Variants in PTPRD observed in about 807,000 individuals in gnomAD.
PTPRD encodes the protein protein tyrosine phosphatase receptor type D.
In PTPRD, 34 loss-of-function variants were observed where a neutral mutation model predicts 214.5. That is an observed-to-expected ratio of 0.16 (90% CI 0.12 to 0.21). The LOEUF (loss-of-function observed/expected upper bound fraction) is 0.21. Ranked by LOEUF, PTPRD falls within the 10% of genes least tolerant of loss-of-function variation. The pLI is 1.00. For missense variants in PTPRD, 2,545 were observed against 2,398.7 expected, an observed-to-expected ratio of 1.06 and a Z score of -1.27; for synonymous variants, 1,128 against 845.7, an observed-to-expected ratio of 1.33 and a Z score of -5.79.
chr9:9,695,923 T>C (rs1446084127), intron 7 of PTPRD, among the ~76,000 whole-genome samples: 1 of 152,166 alleles, frequency 6.6e-6, no homozygotes, highest in Non-Finnish European at 1.5e-5. Context: ...AAAATAATTT[T>C]GGAAGTATTT....
At chr9:8,712,102 A>T (rs1423031457) in intron 12 of PTPRD, among the ~76,000 whole-genome samples, 1 of 152,230 alleles carries the variant, frequency 6.6e-6, no homozygotes, top group Non-Finnish European at 1.5e-5. Flanking sequence ...AAATTTTTTT[A>T]AATCGACCAA....
At chr9:10,403,841 G>C (rs948873388) in intron 2 of PTPRD, among the ~76,000 whole-genome samples, 1 of 151,626 alleles carries the variant, frequency 6.6e-6, no homozygotes, top group Non-Finnish European at 1.5e-5. Context: ...CAGTGATTAG[G>C]ACAAAGGGAA....
chr9:10,029,652 G>T (rs1386958545), intron 4 of PTPRD, among the ~76,000 whole-genome samples: 4 of 152,204 alleles, frequency 2.6e-5, no homozygotes, highest in African/African-American at 9.6e-5. Flanking sequence ...CCCAGTGCCT[G>T]TATCCCTATT....
chr9:9,658,740 C>T (rs997107941), intron 7 of PTPRD, among the ~76,000 whole-genome samples: 3 of 152,142 alleles, frequency 2.0e-5, no homozygotes, highest in African/African-American at 4.8e-5. Flanking sequence ...ACTCTTAATA[C>T]GGCCGGCACT....
chr9:9,465,363 C>T (rs1284711132), intron 8 of PTPRD, among the ~76,000 whole-genome samples: 1 of 152,052 alleles, frequency 6.6e-6, no homozygotes, highest in Non-Finnish European at 1.5e-5. Context: ...TGCTTGAATC[C>T]CTCCTAGGCA....
intron 10 of PTPRD, among the ~76,000 whole-genome samples, chr9:9,157,278 T>A (rs1343410962): frequency 6.6e-6 from 1 of 151,054 alleles, no homozygotes; most frequent in East Asian, 1.9e-4. Context: ...AATAACAAAG[T>A]TCAGAGCAGA....
rs2136955704 is a variant in PTPRD, at chr9:8,500,814, G to A, written c.2068C>T (p.His690Tyr). The A allele has an allele frequency of 6.2e-7, 1 of 1,614,134 alleles. No individual in the cohort carries two copies. The highest frequency in any genetic ancestry group is 8.5e-7 in the Non-Finnish European group (1 of 1,180,002). Residue 690 changes from histidine to tyrosine, a missense_variant, in exon 24 of 46, where the codon CAT becomes TAT. Coordinates refer to ENST00000381196, the MANE Select transcript of PTPRD (RefSeq NM_002839.4). ...WTEYRITVTA[H>Y]TDVGPGPESL... is the part of the protein sequence containing the mutation. ...TCAGGGCCAGGGCCGACATCTGTATGGGCTGTCACAGTGATCCGGTATTCA... is the reference window on the plus strand; with the variant it reads ...TCAGGGCCAGGGCCGACATCTGTATAGGCTGTCACAGTGATCCGGTATTCA...
intron 11 of PTPRD, among the ~76,000 whole-genome samples, chr9:8,917,530 A>T (rs767023432): frequency 2.6e-5 from 4 of 151,522 alleles, no homozygotes; most frequent in Non-Finnish European, 4.4e-5. Context: ...GAAACAGGAA[A>T]CTCAGAGCAC....
At chr9:8,835,358 C>T (rs996275344) in intron 11 of PTPRD, among the ~76,000 whole-genome samples, 2 of 152,160 alleles carry the variant, frequency 1.3e-5, no homozygotes, top group Admixed American at 6.5e-5. Flanking sequence ...AGTTGAATAA[C>T]GCACCCAAGC....
At chr9:9,287,714 C>T (rs1949953435) in intron 9 of PTPRD, among the ~76,000 whole-genome samples, 1 of 151,810 alleles carries the variant, frequency 6.6e-6, no homozygotes, top group Non-Finnish European at 1.5e-5. Context: ...ACTTTTGAAA[C>T]ATATCAGTTG....
At chr9:10,036,947 G>A (rs534817037) in intron 3 of PTPRD, among the ~76,000 whole-genome samples, 2 of 151,906 alleles carry the variant, frequency 1.3e-5, no homozygotes, top group South Asian at 2.1e-4. Flanking sequence ...GCAGTGGCAT[G>A]ATCATGGTTT....
rs904812932 is a variant in PTPRD at position 8,781,008 on chromosome 9, A to C, written c.-103-47062T>G. 1.3e-5 allele frequency among the ~76,000 whole-genome samples: 2 copies of C among 152,220 alleles called. 1 individual carries two copies. Among genetic ancestry groups the C allele is most frequent in the Non-Finnish European group, 2.9e-5 (2 of 68,046 alleles). ...CCAGGGGAGCTATTACACTCTGAAG[A>C]AATCTTCTCTTTAGGTTTAACTGTA... On this transcript the variant is annotated intron_variant, in intron 11 of 45. Coordinates refer to ENST00000381196, the MANE Select transcript of PTPRD (RefSeq NM_002839.4).
At chr9:8,656,575 T>C (rs2096913883) in intron 12 of PTPRD, among the ~76,000 whole-genome samples, 2 of 152,208 alleles carry the variant, frequency 1.3e-5, no homozygotes, top group Non-Finnish European at 2.9e-5. Context: ...CAATTTGTAA[T>C]AGTGAGGTAT....
intron 7 of PTPRD, among the ~76,000 whole-genome samples, chr9:9,645,236 G>C (rs973260859): frequency 6.6e-6 from 1 of 152,112 alleles, no homozygotes; most frequent in Non-Finnish European, 1.5e-5. Flanking sequence ...GTGGGCCCTT[G>C]GGTGAGTTAC....
At chr9:8,911,019 G>A (rs764411844) in intron 11 of PTPRD, among the ~76,000 whole-genome samples, 26 of 152,252 alleles carry the variant, frequency 1.7e-4, no homozygotes, top group African/African-American at 2.6e-4. Flanking sequence ...GGTCATTCTC[G>A]TTCAAACTTA....
At chr9:8,704,621 T>C (rs923373730) in intron 12 of PTPRD, among the ~76,000 whole-genome samples, 1 of 151,958 alleles carries the variant, frequency 6.6e-6, no homozygotes, top group African/African-American at 2.4e-5. Flanking sequence ...AAACAGAATA[T>C]GGAAGCTTAA....
At chr9:10,089,917 A>C (rs186943933) in intron 3 of PTPRD, among the ~76,000 whole-genome samples, 4 of 151,796 alleles carry the variant, frequency 2.6e-5, no homozygotes, top group African/African-American at 9.6e-5. Flanking sequence ...AATTAAAAAT[A>C]TCCTGGGAAA....
chr9:9,276,412 G>C (rs1945656805), intron 9 of PTPRD, among the ~76,000 whole-genome samples: 1 of 151,356 alleles, frequency 6.6e-6, no homozygotes, highest in Non-Finnish European at 1.5e-5. Flanking sequence ...CGGGGCAAAG[G>C]TCAACAGGAA....
intron 11 of PTPRD, among the ~76,000 whole-genome samples, chr9:8,977,982 C>T (rs938518972): frequency 2.0e-5 from 3 of 151,800 alleles, no homozygotes; most frequent in Non-Finnish European, 4.4e-5. Context: ...TGCATAAATG[C>T]CTTGGGGTGT....
Sources: gnomAD v4.1 joint callset for allele counts (sites outside exome capture counted in the v4.1 genomes callset) on GRCh38, gnomAD v4.1.1 for gene constraint, MANE v1.5 for transcripts, NCBI Gene and HGNC (gene_info 2026-07-23, HGNC 2026-07-21) for gene names.